The following CCDC171 variants were observed in gnomAD, a reference collection of about 807,000 sequenced individuals.
CCDC171 encodes coiled-coil domain containing 171.
Under a neutral mutation model 168.2 loss-of-function variants are expected in CCDC171, and 177 were observed. That is an observed-to-expected ratio of 1.05 (90% CI 0.93 to 1.19). CCDC171 has a LOEUF of 1.19. Among genes scored for constraint, CCDC171 ranks in the 50% most tolerant of loss-of-function variants. The pLI is 0.00. For synonymous variants in CCDC171, 687 were observed against 540.8 expected, an observed-to-expected ratio of 1.27 and a Z score of -3.75; for missense variants, 1,991 against 1,539.0, an observed-to-expected ratio of 1.29 and a Z score of -4.91.
At chr9:15,674,186 C>A (rs1000344171) in intron 9 of CCDC171, among the ~76,000 whole-genome samples, 1 of 152,110 alleles carries the variant, frequency 6.6e-6, no homozygotes, top group African/African-American at 2.4e-5. Flanking sequence ...GTTTGTATTT[C>A]TGTGGGATCG....
At chr9:15,845,406 GA>G (rs1241683940) in intron 21 of CCDC171, among the ~76,000 whole-genome samples, 4 of 151,992 alleles carry the variant, frequency 2.6e-5, no homozygotes, top group Admixed American at 6.6e-5. Context: ...TCGACTATTT[GA>G]AAAGTGAATG....
At chr9:15,798,014 T>G (rs1323787691) in intron 21 of CCDC171, among the ~76,000 whole-genome samples, 1 of 152,194 alleles carries the variant, frequency 6.6e-6, no homozygotes, top group Non-Finnish European at 1.5e-5. Flanking sequence ...GTCTTCCTTT[T>G]TGCTAATTCC....
chr9:15,678,766 AAG>A lies in CCDC171; in HGVS notation c.1088_1089del (p.Glu363ValfsTer6). ...ACACTTTAACTTTTCAGATTAGAAAAAGAGTATTTCTCCAAAAATAAGAAACT... is the reference window on the plus strand; with the variant it reads ...ACACTTTAACTTTTCAGATTAGAAAAAGTATTTCTCCAAAAATAAGAAACT... On this transcript the variant is annotated frameshift_variant, in exon 10 of 26. Coordinates refer to ENST00000380701, the MANE Select transcript of CCDC171 (RefSeq NM_173550.4). LOFTEE classifies it high-confidence loss of function. 1.3e-6 allele frequency: 2 copies of A among 1,581,516 alleles called. No homozygotes were observed. The highest frequency in any genetic ancestry group is 1.2e-5 in the South Asian group (1 of 84,050).
intron 24 of CCDC171, among the ~76,000 whole-genome samples, chr9:15,902,779 C>G (rs1821898788): frequency 6.6e-6 from 1 of 152,198 alleles, no homozygotes; most frequent in South Asian, 2.1e-4. Flanking sequence ...ATTCCCTTTC[C>G]TAGTCAAAGA....
At chr9:15,596,990 G>C (rs1587273107) in intron 6 of CCDC171, among the ~76,000 whole-genome samples, 3 of 152,142 alleles carry the variant, frequency 2.0e-5, no homozygotes, top group Admixed American at 2.0e-4. Context: ...TTTGCACATT[G>C]ATTTTGTATC....
intron 3 of CCDC171, among the ~76,000 whole-genome samples, chr9:15,997,864 C>G (rs1832419740): frequency 6.6e-6 from 1 of 152,130 alleles, no homozygotes; most frequent in Non-Finnish European, 1.5e-5. Flanking sequence ...ACGTATCCTT[C>G]CCTTGCATAT....
At chr9:15,803,831 C>T (rs1353069844) in intron 21 of CCDC171, among the ~76,000 whole-genome samples, 1 of 152,094 alleles carries the variant, frequency 6.6e-6, no homozygotes, top group African/African-American at 2.4e-5. Context: ...ATGGGAATAG[C>T]ATCGAATCTA....
intron 3 of CCDC171, among the ~76,000 whole-genome samples, chr9:15,993,396 G>C (rs1157250936): frequency 6.6e-6 from 1 of 152,154 alleles, no homozygotes; most frequent in East Asian, 1.9e-4. Context: ...GCCATATGTA[G>C]AAAGCTGAAA....
chr9:15,740,065 A>T (rs1414662926), intron 16 of CCDC171, among the ~76,000 whole-genome samples: 1 of 151,990 alleles, frequency 6.6e-6, no homozygotes, highest in Non-Finnish European at 1.5e-5. Flanking sequence ...AAATCTGTTA[A>T]TTGATCTTCT....
At chr9:15,694,968 G>T (rs1459540458) in intron 10 of CCDC171, among the ~76,000 whole-genome samples, 1 of 152,120 alleles carries the variant, frequency 6.6e-6, no homozygotes, top group Non-Finnish European at 1.5e-5. Context: ...CCATCATAGG[G>T]TTATTGTGAG....
At chr9:15,740,596 G>A (rs906379301) in intron 16 of CCDC171, among the ~76,000 whole-genome samples, 4 of 151,974 alleles carry the variant, frequency 2.6e-5, no homozygotes, top group Non-Finnish European at 4.4e-5. Flanking sequence ...CATCATGACT[G>A]GCTAATTGTT....
chr9:16,039,225 A>G (rs1359954), upstream of CCDC171, among the ~76,000 whole-genome samples: 57,052 of 151,980 alleles, frequency 0.38, 12,516 homozygotes, highest in East Asian at 0.64. Context: ...TGGGGAGGAG[A>G]GAGCAGGATT....
At chr9:15,893,168 AAAAC>A (rs1377899447) in intron 24 of CCDC171, among the ~76,000 whole-genome samples, 1 of 152,338 alleles carries the variant, frequency 6.6e-6, no homozygotes, top group African/African-American at 2.4e-5. Context: ...AAACCTGACA[AAAAC>A]AAGCAATGGG....
At chr9:15,829,059 T>G (rs2060128641) in intron 21 of CCDC171, among the ~76,000 whole-genome samples, 1 of 152,186 alleles carries the variant, frequency 6.6e-6, no homozygotes, top group East Asian at 1.9e-4. Flanking sequence ...TATGTTTGGC[T>G]CTCTGATCAA....
At chr9:16,091,336 T>G in the CCDC171 span, among the ~76,000 whole-genome samples, 2 of 152,176 alleles carry the variant, frequency 1.3e-5, no homozygotes, top group Non-Finnish European at 1.5e-5. Context: ...TAATTAGAAT[T>G]CTTCTTTCAT....
At chr9:15,661,747 T>C (rs1287448575) in intron 8 of CCDC171, among the ~76,000 whole-genome samples, 1 of 152,216 alleles carries the variant, frequency 6.6e-6, no homozygotes. Context: ...AAATTTGTTA[T>C]TTTGTAGTCT....
At chr9:16,095,617 C>G in the CCDC171 span, among the ~76,000 whole-genome samples, 1 of 151,802 alleles carries the variant, frequency 6.6e-6, no homozygotes, top group Non-Finnish European at 1.5e-5. Context: ...GATAGTTATT[C>G]TAAATCACCT....
In CCDC171 at chr9:16,003,984, T is replaced by TA. The variant is rs1247809327; in HGVS notation, n.369-16605_369-16604insA. ...GTAAGCACAAGCACCCCACAGGGACTGCAGCCTTTTACCTCTCACTGCAGG... is the reference window on the plus strand; with the variant it reads ...GTAAGCACAAGCACCCCACAGGGACTAGCAGCCTTTTACCTCTCACTGCAGG... On this transcript the variant is annotated intron_variant and non_coding_transcript_variant, in intron 3 of 9. Coordinates refer to the CCDC171 transcript ENST00000486641. Among the ~76,000 whole-genome samples the TA allele has an allele frequency of 2.0e-5, 3 of 152,210 alleles. No individual in the cohort carries two copies. In the East Asian group the frequency reaches 5.8e-4, roughly 29 times the overall value.
chr9:15,971,557 T>C, intron 25 of CCDC171, 52 bp from the exon 26 acceptor site: 1 of 1,256,624 alleles, frequency 8.0e-7, no homozygotes, highest in Non-Finnish European at 1.1e-6. Flanking sequence ...TTAGGCTCTA[T>C]TTGAGAGTTT....
Sources: allele counts gnomAD v4.1 joint callset (sites outside exome capture counted in the v4.1 genomes callset), GRCh38; gene constraint gnomAD v4.1.1; transcripts MANE v1.5; gene names NCBI Gene and HGNC (gene_info 2026-07-23, HGNC 2026-07-21).